The following FBXO21 variants were observed in gnomAD, a reference collection of about 807,000 sequenced individuals.
FBXO21 encodes F-box protein 21.
In FBXO21, 32 loss-of-function variants were observed where a neutral mutation model predicts 76.6. The ratio of observed to expected loss-of-function variants is 0.42; its 90% CI spans 0.32 to 0.56. The LOEUF (loss-of-function observed/expected upper bound fraction) is 0.56. Among genes scored for constraint, FBXO21 ranks in the 20% least tolerant of loss-of-function variants. FBXO21 has a pLI of 0.16. For missense variants in FBXO21, 586 were observed against 797.3 expected (o/e 0.73, Z 3.19); for synonymous variants, 328 against 311.5 (o/e 1.05, Z -0.56).
intron 7 of FBXO21, among the ~76,000 whole-genome samples, chr12:117,167,665 C>T (rs536804928): frequency 2.6e-5 from 4 of 151,254 alleles, no homozygotes; most frequent in Admixed American, 6.6e-5. Flanking sequence ...GGTGTGAACC[C>T]GGGAGGCGGA....
chr12:117,165,731 T>C, intron 8 of FBXO21, 114 bp from the exon 9 acceptor site: 1 of 1,013,708 alleles, frequency 9.9e-7, no homozygotes, highest in Non-Finnish European at 1.4e-6. Context: ...CGTTTTCTGA[T>C]TCTGGTATTT....
At chr12:117,188,956 C>T (rs1239953810) in intron 2 of FBXO21, 4 of 402,716 alleles carry the variant, frequency 9.9e-6, no homozygotes, top group East Asian at 4.2e-5. Context: ...ATCTGGACTC[C>T]GTCTACATTG....
chr12:117,156,051 C>T (rs1368804823), intron 10 of FBXO21, 103 bp from the exon 11 acceptor site: 3 of 1,057,198 alleles, frequency 2.8e-6, no homozygotes, highest in African/African-American at 3.1e-5. Flanking sequence ...ACCTGCTTTA[C>T]TCCACGGTGA....
intron 11 of FBXO21, among the ~76,000 whole-genome samples, chr12:117,150,234 TA>T (rs1272674900): frequency 1.3e-4 from 20 of 152,314 alleles, no homozygotes; most frequent in Non-Finnish European, 1.2e-4. Flanking sequence ...AGGCACCACT[TA>T]AAAGTTCTGA....
intron 10 of FBXO21, among the ~76,000 whole-genome samples, chr12:117,157,305 AC>A (rs756411353): frequency 6.6e-5 from 10 of 152,252 alleles, no homozygotes; most frequent in Non-Finnish European, 1.5e-4. Flanking sequence ...GTGTTTAGTA[AC>A]CCAGGAAACA....
intron 3 of FBXO21, among the ~76,000 whole-genome samples, chr12:117,180,787 G>A (rs1264258769): frequency 1.3e-5 from 2 of 151,702 alleles, no homozygotes; most frequent in Admixed American, 1.3e-4. Context: ...ACCACACCAA[G>A]CTAATTTTTT....
At position 117,174,321 on chromosome 12, in the gene FBXO21, C is replaced by G. The variant is rs1003303598; in HGVS notation, c.760G>C (p.Glu254Gln). The G allele has an allele frequency of 1.2e-6, 2 of 1,613,974 alleles. No individual in the cohort carries two copies. Among genetic ancestry groups the G allele is most frequent in the African/African-American group, 2.7e-5 (2 of 74,914 alleles). ...AGCACCTGGCTCTGGAGTTCTATTT[C>G]CATTATCATGGATGATTCACCTGAA... The part of the protein sequence containing the change: ...FKAGESSMIM[E>Q]IELQSQVLDA... Residue 254 changes from glutamate (E) to glutamine (Q), a missense_variant, in exon 6 of 12, where the codon GAA (glutamate) becomes CAA (glutamine). This residue lies in a region of FBXO21 where 246 missense variants were observed against 356.8 expected (regional missense o/e 0.69). Transcript: ENST00000622495.
At chr12:117,180,055 T>A (rs888468585) in intron 3 of FBXO21, among the ~76,000 whole-genome samples, 1 of 152,244 alleles carries the variant, frequency 6.6e-6, no homozygotes, top group Admixed American at 6.5e-5. Context: ...GTCACATCTT[T>A]GGCCACTGGA....
At chr12:117,189,001 C>A (rs529908707) in intron 2 of FBXO21, 2 of 566,990 alleles carry the variant, frequency 3.5e-6, no homozygotes, top group Admixed American at 3.0e-5. Context: ...CCTCCACCCC[C>A]ACTCTCTCTC....
chr12:117,182,593 G>A (rs528437067), intron 3 of FBXO21, among the ~76,000 whole-genome samples: 1,047 of 103,570 alleles, frequency 0.01, 9 homozygotes, highest in African/African-American at 0.039. Context: ...TTTTTGGACC[G>A]AGTCTGTCGC....
intron 3 of FBXO21, among the ~76,000 whole-genome samples, chr12:117,182,985 C>A (rs150573190): frequency 1.3e-3 from 203 of 152,150 alleles, no homozygotes; most frequent in African/African-American, 4.7e-3. Context: ...CCTAACTACT[C>A]GGGAGGCTGA....
In FBXO21 at chr12:117,143,091, CATGACGCCTGGCAAAACCG is replaced by C. The variant is rs1955732569; in HGVS notation, c.*2977_*2995del. On this transcript the variant is annotated 3_prime_UTR_variant, in exon 12 of 12. Coordinates refer to ENST00000622495, the MANE Select transcript of FBXO21 (RefSeq NM_015002.3). ...TGATTAGGTGGATAATGTTTGCAAA[CATGACGCCTGGCAAAACCG>C]GTCTGATTCTAAGGTAAACTCATTT... 1 of 152,216 alleles carries C rather than the reference CATGACGCCTGGCAAAACCG, an allele frequency of 6.6e-6. No homozygotes were observed. Among genetic ancestry groups the C allele is most frequent in the Non-Finnish European group, 1.5e-5 (1 of 68,040 alleles). The allele number at this position is 152,216 out of a possible 1,614,324, so 9.4% of individuals were successfully genotyped here.
intron 3 of FBXO21, among the ~76,000 whole-genome samples, chr12:117,179,904 A>C (rs1956211651): frequency 6.6e-6 from 1 of 152,146 alleles, no homozygotes; most frequent in South Asian, 2.1e-4. Context: ...TCTATTTACA[A>C]TTTTTCAAAA....
At chr12:117,153,204 G>T (rs1389650710) in intron 11 of FBXO21, among the ~76,000 whole-genome samples, 1 of 151,944 alleles carries the variant, frequency 6.6e-6, no homozygotes, top group South Asian at 2.1e-4. Flanking sequence ...GGCAAGCAGA[G>T]ACCACCAGAA....
At position 117,157,863 on chromosome 12, in the gene FBXO21, G is replaced by C; in HGVS notation, c.1517+10C>G. On this transcript the variant is annotated intron_variant, in intron 10 of 11. Coordinates refer to ENST00000622495, the MANE Select transcript of FBXO21 (RefSeq NM_015002.3). ...CGGACACTGCAGGACAGATGATCCC[G>C]GGCACTCACCTCTTATGCTTCATAA... 2.5e-6 allele frequency: 4 copies of C among 1,587,834 alleles called. No individual in the cohort carries two copies. Among genetic ancestry groups the C allele is most frequent in the Non-Finnish European group, 3.4e-6 (4 of 1,163,510 alleles).
Position 117,177,503 on chromosome 12 carries a change from T to C in FBXO21, c.592+17A>G, listed in dbSNP as rs759554521. On this transcript the variant is annotated intron_variant, in intron 4 of 11. Transcript: ENST00000622495. ...CTACAGAAATACTACTGTCCACATATATGGGAAAAGACCCACCTTCAAGAT... is the reference window on the plus strand; with the variant it reads ...CTACAGAAATACTACTGTCCACATACATGGGAAAAGACCCACCTTCAAGAT... The C allele has an allele frequency of 2.5e-6, 4 of 1,609,298 alleles. No homozygotes were observed. Among genetic ancestry groups the C allele is most frequent in the African/African-American group, 1.3e-5 (1 of 74,810 alleles).
chr12:117,156,335 A>T (rs1456491453), intron 10 of FBXO21, among the ~76,000 whole-genome samples: 1 of 152,234 alleles, frequency 6.6e-6, no homozygotes, highest in Non-Finnish European at 1.5e-5. Context: ...GGCACTAAAA[A>T]TACAGCCGTA....
chr12:117,186,562 T>C lies in FBXO21; in HGVS notation c.385A>G (p.Asn129Asp), dbSNP rs1193954004. ...AGGTTCTCAATGTCACTGAAGCCAT[T>C]ACAAGGAACCTATGAAGAAGACATA... The part of the protein sequence containing the change: ...KRFFSEHVPC[N>D]GFSDIENLEG... The change falls in exon 3 of 12, where the codon AAT becomes GAT. Residue 129 changes from asparagine to aspartate, a missense_variant. Physicochemically the swap from Asn to Asp is conservative, Grantham distance 23. This residue lies in a region of FBXO21 where 246 missense variants were observed against 356.8 expected (regional missense o/e 0.69). Transcript: ENST00000622495. 2 of 1,610,186 alleles carry C rather than the reference T, an allele frequency of 1.2e-6. No individual in the cohort carries two copies. Among genetic ancestry groups the C allele is most frequent in the Admixed American group, 3.4e-5 (2 of 59,484 alleles).
At chr12:117,173,128 A>G (rs1268282104) in intron 6 of FBXO21, among the ~76,000 whole-genome samples, 1 of 151,908 alleles carries the variant, frequency 6.6e-6, no homozygotes, top group Admixed American at 6.6e-5. Context: ...TTTCGGGTAC[A>G]AGCAATTCTC....
Sources: gnomAD v4.1 joint callset for allele counts (sites outside exome capture counted in the v4.1 genomes callset) on GRCh38, gnomAD v4.1.1 for gene constraint, gnomAD v4.1.1 regional missense constraint, MANE v1.5 for transcripts, NCBI Gene and HGNC (gene_info 2026-07-23, HGNC 2026-07-21) for gene names.